BMPR1B: variants seen among roughly 807,000 people sequenced by gnomAD.
BMPR1B encodes the protein bone morphogenetic protein receptor type-1B.
Under a neutral mutation model 59.1 loss-of-function variants are expected in BMPR1B, and 12 were observed. The ratio of observed to expected loss-of-function variants is 0.20; its 90% CI spans 0.13 to 0.33. The LOEUF is 0.33. Ranked by LOEUF, BMPR1B falls within the 10% of genes least tolerant of loss-of-function variation. The pLI is 1.00. For synonymous variants in BMPR1B, 237 were observed against 207.3 expected, an observed-to-expected ratio of 1.14 and a Z score of -1.23; for missense variants, 550 against 610.9, an observed-to-expected ratio of 0.90 and a Z score of 1.05.
chr4:94,908,492 G>C (rs1189632111), intron 2 of BMPR1B, among the ~76,000 whole-genome samples: 3 of 151,592 alleles, frequency 2.0e-5, no homozygotes, highest in Non-Finnish European at 4.4e-5. Context: ...AAACTTCTAA[G>C]CAGTAGAGCT....
chr4:94,817,606 A>G (rs370857176), intron 1 of BMPR1B, among the ~76,000 whole-genome samples: 15 of 151,526 alleles, frequency 9.9e-5, no homozygotes, highest in East Asian at 7.8e-4. Context: ...CTGTTGTTCT[A>G]TTGCATTCAG....
intron 3 of BMPR1B, among the ~76,000 whole-genome samples, chr4:95,027,341 G>A (rs1724499963): frequency 1.3e-5 from 2 of 152,120 alleles, no homozygotes; most frequent in Non-Finnish European, 1.5e-5. Flanking sequence ...TGCTAAATCA[G>A]TTATCTGAAG....
intron 2 of BMPR1B, among the ~76,000 whole-genome samples, chr4:94,880,635 A>AT (rs35455973): frequency 0.062 from 7,818 of 125,188 alleles, 960 homozygotes; most frequent in African/African-American, 0.22. Flanking sequence ...ATTAAAATGA[A>AT]TTTTTTTTTT....
intron 3 of BMPR1B, among the ~76,000 whole-genome samples, chr4:95,026,448 A>G (rs1301692900): frequency 6.6e-6 from 1 of 151,986 alleles, no homozygotes. Context: ...ATTATTTTAT[A>G]TTATACATTC....
intron 2 of BMPR1B, among the ~76,000 whole-genome samples, chr4:94,909,305 A>G (rs901591602): frequency 5.9e-5 from 9 of 151,966 alleles, no homozygotes; most frequent in African/African-American, 1.9e-4. Context: ...CTAACTTACT[A>G]TATACTCACT....
rs549376420 is a variant in BMPR1B at position 95,114,050 on chromosome 4, C to T, written c.144-670C>T. The stretch of plus-strand genomic sequence containing the variant: ...ATCTTTACCCCACCCCCAAATGAAG[C>T]CTATACTTCTTACAACAAAGCTTAA... On this transcript the variant is annotated intron_variant, in intron 4 of 12. Transcript: ENST00000515059. 1.2e-4 allele frequency among the ~76,000 whole-genome samples: 19 copies of T among 152,186 alleles called. No individual in the cohort carries two copies. The South Asian group carries it at 3.9e-3, about 32-fold the overall frequency.
chr4:94,790,788 AAC>A (rs376278451), intron 1 of BMPR1B, among the ~76,000 whole-genome samples: 16 of 152,342 alleles, frequency 1.1e-4, no homozygotes, highest in South Asian at 8.3e-4. Flanking sequence ...ATGAAAAGAC[AAC>A]ACACATTTTA....
chr4:94,759,767 G>A (rs1721687749), intron 1 of BMPR1B, among the ~76,000 whole-genome samples: 1 of 152,190 alleles, frequency 6.6e-6, no homozygotes, highest in Non-Finnish European at 1.5e-5. Flanking sequence ...TGTTTTGAAG[G>A]ATGTTACATC....
chr4:95,100,040 A>T (rs551544732), intron 3 of BMPR1B, among the ~76,000 whole-genome samples: 1 of 152,158 alleles, frequency 6.6e-6, no homozygotes, highest in Admixed American at 6.5e-5. Flanking sequence ...CTCTCTTCCA[A>T]CATCTTTTGA....
chr4:94,895,542 G>T (rs1727552643), intron 2 of BMPR1B, among the ~76,000 whole-genome samples: 2 of 151,690 alleles, frequency 1.3e-5, no homozygotes, highest in African/African-American at 4.8e-5. Flanking sequence ...GTTCTAATAG[G>T]CAGTTGAATG....
chr4:95,034,013 C>G (rs528717386), intron 3 of BMPR1B, among the ~76,000 whole-genome samples: 1 of 152,108 alleles, frequency 6.6e-6, no homozygotes, highest in African/African-American at 2.4e-5. Flanking sequence ...TCAAATTTTT[C>G]AGCTGAAAGC....
chr4:94,823,427 C>G (rs1279937750), intron 1 of BMPR1B, among the ~76,000 whole-genome samples: 1 of 152,112 alleles, frequency 6.6e-6, no homozygotes, highest in Non-Finnish European at 1.5e-5. Flanking sequence ...TGAGAAAAGG[C>G]TGGGGGCAAA....
intron 1 of BMPR1B, among the ~76,000 whole-genome samples, chr4:94,822,482 G>A (rs530021327): frequency 6.6e-6 from 1 of 152,272 alleles, no homozygotes; most frequent in Admixed American, 6.5e-5. Flanking sequence ...GGGGGATATT[G>A]CAAAATAGAG....
At chr4:95,077,760 G>A (rs887904972) in intron 3 of BMPR1B, among the ~76,000 whole-genome samples, 15 of 152,138 alleles carry the variant, frequency 9.9e-5, no homozygotes, top group African/African-American at 3.6e-4. Context: ...AACACTCCAT[G>A]AAGATGTTAT....
intron 1 of BMPR1B, among the ~76,000 whole-genome samples, chr4:94,837,063 AGTTGTAGATATGCGGC>A (rs1429431761): frequency 7.0e-6 from 1 of 143,522 alleles, no homozygotes; most frequent in Non-Finnish European, 1.5e-5. Flanking sequence ...AAGATCAGAT[AGTTGTAGATATGCGGC>A]GTTATTTCTG....
chr4:95,146,362 A>G (rs1734641831), intron 10 of BMPR1B, among the ~76,000 whole-genome samples: 1 of 152,172 alleles, frequency 6.6e-6, no homozygotes, highest in Non-Finnish European at 1.5e-5. Context: ...AACTATGTAT[A>G]CTCCAGCTGT....
intron 1 of BMPR1B, among the ~76,000 whole-genome samples, chr4:94,865,566 A>C (rs1726189670): frequency 6.6e-6 from 1 of 150,618 alleles, no homozygotes; most frequent in Admixed American, 6.6e-5. Context: ...AATTTTTTTT[A>C]ATTTTTAGTA....
intron 1 of BMPR1B, among the ~76,000 whole-genome samples, chr4:94,762,660 CAG>C (rs1721823587): frequency 6.6e-6 from 1 of 152,126 alleles, no homozygotes; most frequent in Non-Finnish European, 1.5e-5. Context: ...GGATTTTAAA[CAG>C]AGAAGTGAAC....
chr4:95,109,570 G>T (rs1463322996), intron 4 of BMPR1B, among the ~76,000 whole-genome samples: 1 of 151,926 alleles, frequency 6.6e-6, no homozygotes, highest in Non-Finnish European at 1.5e-5. Context: ...ACCATCCAGG[G>T]TTTTATTTTT....
Sources: allele counts gnomAD v4.1 joint callset (sites outside exome capture counted in the v4.1 genomes callset), GRCh38; gene constraint gnomAD v4.1.1; transcripts MANE v1.5; gene names NCBI Gene and HGNC (gene_info 2026-07-23, HGNC 2026-07-21).